PTPRK: variants seen among roughly 807,000 people sequenced by gnomAD.
PTPRK encodes protein tyrosine phosphatase receptor type K.
PTPRK carries 75 observed loss-of-function variants against 178.0 expected under a neutral mutation model. The ratio of observed to expected loss-of-function variants is 0.42; its 90% CI spans 0.35 to 0.51. The LOEUF is 0.51. PTPRK is among the 20% of genes least tolerant of loss of function. The pLI, the probability that PTPRK is intolerant of heterozygous loss-of-function variation, is 0.02. For synonymous variants in PTPRK, 637 were observed against 620.6 expected, an observed-to-expected ratio of 1.03 and a Z score of -0.39; for missense variants, 1,441 against 1,797.8, an observed-to-expected ratio of 0.80 and a Z score of 3.59.
chr6:128,345,269 T>G (rs1832280825), intron 2 of PTPRK, among the ~76,000 whole-genome samples: 1 of 152,290 alleles, frequency 6.6e-6, no homozygotes. Flanking sequence ...TTTTTTTTGG[T>G]TTGACACCAA....
At chr6:128,057,159 C>A (rs1425677796) in intron 13 of PTPRK, among the ~76,000 whole-genome samples, 2 of 152,184 alleles carry the variant, frequency 1.3e-5, no homozygotes, top group Non-Finnish European at 2.9e-5. Context: ...TATTTTTCTA[C>A]ATCCAATTTT....
chr6:128,518,041 A>C (rs778792219), intron 1 of PTPRK, among the ~76,000 whole-genome samples: 6 of 152,198 alleles, frequency 3.9e-5, no homozygotes, highest in Non-Finnish European at 8.8e-5. Context: ...CAGAAAAAAA[A>C]GGAAGTATTT....
intron 1 of PTPRK, among the ~76,000 whole-genome samples, chr6:128,508,436 T>C (rs771722599): frequency 2.3e-4 from 34 of 150,622 alleles, no homozygotes; most frequent in Non-Finnish European, 4.3e-4. Context: ...ATCACGAAAA[T>C]TTTTAAAAGG....
chr6:128,280,589 A>G (rs546432266), intron 3 of PTPRK, among the ~76,000 whole-genome samples: 254 of 152,352 alleles, frequency 1.7e-3, no homozygotes, highest in Non-Finnish European at 2.5e-3. Context: ...TGGAAATAAT[A>G]TAAAATGTGT....
intron 13 of PTPRK, among the ~76,000 whole-genome samples, chr6:128,040,752 T>C (rs1777030762): frequency 6.6e-6 from 1 of 152,130 alleles, no homozygotes; most frequent in South Asian, 2.1e-4. Flanking sequence ...ACCATCATAT[T>C]TGCAAGCACC....
At position 128,520,453 on chromosome 6, in the gene PTPRK, G is replaced by T. The variant is rs1338598536; in HGVS notation, c.-95C>A. ...CGGAGGAGCGGGCCGGGCCTCGCGG[G>T]GTGAGGACGGTGAGAGGACAGCCGC... On this transcript the variant is annotated 5_prime_UTR_variant, in exon 1 of 30. Transcript: ENST00000368226. The T allele has an allele frequency of 6.8e-6, 8 of 1,170,208 alleles. No homozygotes were observed. The highest frequency in any genetic ancestry group is 6.1e-5 in the African/African-American group (4 of 65,726). 72.5% of individuals were successfully genotyped at this position (1,170,208 alleles called of 1,614,324 possible).
Position 128,411,263 on chromosome 6 carries a change from G to A in PTPRK, c.101-13575C>T, listed in dbSNP as rs142946390. Reference sequence around the variant, plus strand: ...ACACACTCCTCTTCTTAAGCATTTCGGACACAAAGTTAAGCTCTCCAAAAA... The same window carrying A: ...ACACACTCCTCTTCTTAAGCATTTCAGACACAAAGTTAAGCTCTCCAAAAA... On this transcript the variant is annotated intron_variant, in intron 1 of 29. Transcript: ENST00000368226. Among the ~76,000 whole-genome samples the A allele has an allele frequency of 7.7e-3, 1,171 of 152,094 alleles. 9 individuals carry two copies. Among genetic ancestry groups the A allele is most frequent in the Non-Finnish European group, 0.011 (766 of 67,994 alleles).
chr6:128,150,493 G>A (rs942414427), intron 7 of PTPRK, among the ~76,000 whole-genome samples: 5 of 152,036 alleles, frequency 3.3e-5, no homozygotes, highest in African/African-American at 9.7e-5. Flanking sequence ...TCCCTCACTC[G>A]GGAATATGCC....
At chr6:128,321,239 AG>A (rs1828744036) in intron 3 of PTPRK, 1 of 152,590 alleles carries the variant, frequency 6.6e-6, no homozygotes, top group South Asian at 2.1e-4. Context: ...GTCCTTTAAA[AG>A]TTTAAATCTC....
At chr6:128,110,653 C>G (rs150763355) in intron 7 of PTPRK, among the ~76,000 whole-genome samples, 2 of 151,960 alleles carry the variant, frequency 1.3e-5, no homozygotes, top group African/African-American at 4.8e-5. Context: ...ATATTTCATT[C>G]ATTTGAGAAG....
intron 1 of PTPRK, among the ~76,000 whole-genome samples, chr6:128,509,247 T>C (rs867354405): frequency 2.0e-5 from 3 of 152,168 alleles, no homozygotes; most frequent in African/African-American, 7.2e-5. Flanking sequence ...CCCCCAGAGA[T>C]ATGGGAGGGC....
At chr6:128,410,885 CGTTT>C (rs1184662168) in intron 1 of PTPRK, among the ~76,000 whole-genome samples, 1 of 152,154 alleles carries the variant, frequency 6.6e-6, no homozygotes, top group African/African-American at 2.4e-5. Flanking sequence ...ACCAGCCTTA[CGTTT>C]GTTTGTTTAT....
At chr6:128,025,501 T>C (rs1249214448) in intron 13 of PTPRK, among the ~76,000 whole-genome samples, 1 of 152,212 alleles carries the variant, frequency 6.6e-6, no homozygotes, top group Non-Finnish European at 1.5e-5. Flanking sequence ...AACAACTGCA[T>C]CTAAAAGAAA....
intron 3 of PTPRK, among the ~76,000 whole-genome samples, chr6:128,315,127 A>G (rs1254617613): frequency 6.6e-6 from 1 of 152,136 alleles, no homozygotes; most frequent in South Asian, 2.1e-4. Context: ...AAAGTTTACA[A>G]CCAAACCAAA....
In PTPRK at chr6:128,386,120, AATTG is replaced by A. The variant is rs369735987; in HGVS notation, c.223+11442_223+11445del. 9.1e-3 allele frequency among the ~76,000 whole-genome samples: 1,380 copies of A among 152,248 alleles called. 24 individuals are homozygous for A. Among genetic ancestry groups the A allele is most frequent in the African/African-American group, 0.031 (1,300 of 41,548 alleles). On this transcript the variant is annotated intron_variant, in intron 2 of 29. Transcript: ENST00000368226. ...ATCCTTGACTTAATAAAGGTTCTTT[AATTG>A]ATATGTGCTTCTGACATCTAAGATA... is the stretch of plus-strand genomic sequence containing the variant.
chr6:128,259,566 A>C (rs1023165255), intron 3 of PTPRK, among the ~76,000 whole-genome samples: 5 of 152,108 alleles, frequency 3.3e-5, no homozygotes, highest in African/African-American at 1.2e-4. Flanking sequence ...AGAAGGTGAG[A>C]TTATGGATTA....
In PTPRK at chr6:128,078,817, T is replaced by C. The variant is rs765441726; in HGVS notation, c.1879A>G (p.Ile627Val). The C allele has an allele frequency of 9.3e-6, 15 of 1,605,144 alleles. No individual in the cohort carries two copies. The highest frequency in any genetic ancestry group is 1.2e-5 in the Non-Finnish European group (14 of 1,172,426). The change falls in exon 11 of 30, where the codon ATC (isoleucine) becomes GTC (valine). Residue 627 changes from isoleucine to valine, a missense_variant. Transcript: ENST00000368226. Reference protein sequence around the residue: ...LRPAQAKGAPISAYQIVVEEL... With the variant: ...LRPAQAKGAPVSAYQIVVEEL... Reference sequence around the variant, plus strand: ...ACTGTAGTTTTCTCCTCTTACCTGATAGGAGCACCTTTGGCTTGTGCTGGT... The same window carrying C: ...ACTGTAGTTTTCTCCTCTTACCTGACAGGAGCACCTTTGGCTTGTGCTGGT...
rs563780514 is a variant in PTPRK at position 128,493,301 on chromosome 6, G to A, written c.100+26958C>T. On this transcript the variant is annotated intron_variant, in intron 1 of 29. Coordinates refer to ENST00000368226, the MANE Select transcript of PTPRK (RefSeq NM_002844.4). ...TAACTGGCTGGGCGCGGTGGCTCACGCCTGCAATCCCAGCACTTTGGGAGG... is the reference window on the plus strand; with the variant it reads ...TAACTGGCTGGGCGCGGTGGCTCACACCTGCAATCCCAGCACTTTGGGAGG... 7.2e-5 allele frequency among the ~76,000 whole-genome samples: 11 copies of A among 152,270 alleles called. No homozygotes were observed. In the South Asian group the frequency reaches 1.7e-3, roughly 23 times the overall value.
intron 3 of PTPRK, among the ~76,000 whole-genome samples, chr6:128,314,466 G>A (rs187175604): frequency 1.3e-5 from 2 of 152,306 alleles, no homozygotes; most frequent in Non-Finnish European, 2.9e-5. Context: ...GTTTTCTTCA[G>A]ATCTAATTGG....
Sources: allele counts gnomAD v4.1 joint callset (sites outside exome capture counted in the v4.1 genomes callset), GRCh38; gene constraint gnomAD v4.1.1; transcripts MANE v1.5; gene names NCBI Gene and HGNC (gene_info 2026-07-23, HGNC 2026-07-21).